PIK3C2G: variants seen among roughly 807,000 people sequenced by gnomAD.
PIK3C2G encodes phosphatidylinositol-4-phosphate 3-kinase catalytic subunit type 2 gamma.
PIK3C2G carries 168 observed loss-of-function variants against 181.1 expected under a neutral mutation model. The observed-to-expected ratio is 0.93, with a 90% confidence interval of 0.82 to 1.05. PIK3C2G has a LOEUF of 1.05. PIK3C2G is among the 50% of genes least tolerant of loss of function. PIK3C2G has a pLI of 0.00. For missense variants in PIK3C2G, 1,869 were observed against 1,732.8 expected (o/e 1.08, Z -1.40); for synonymous variants, 573 against 592.2 (o/e 0.97, Z 0.47).
chr12:18,303,200 T>C (rs1450359438), intron 5 of PIK3C2G, among the ~76,000 whole-genome samples: 1 of 150,528 alleles, frequency 6.6e-6, no homozygotes, highest in Non-Finnish European at 1.5e-5. Flanking sequence ...TTCTTTCTTT[T>C]CCTTTCTTTC....
the PIK3C2G span, among the ~76,000 whole-genome samples, chr12:18,689,043 A>C: frequency 6.6e-6 from 1 of 152,152 alleles, no homozygotes; most frequent in Non-Finnish European, 1.5e-5. Flanking sequence ...GATTTTTCCT[A>C]ATTCCACAGA....
intron 18 of PIK3C2G, among the ~76,000 whole-genome samples, chr12:18,471,058 C>T (rs556838815): frequency 1.9e-3 from 282 of 152,172 alleles, no homozygotes; most frequent in African/African-American, 6.6e-3. Context: ...ATCAGACTTA[C>T]TCTAAACTAT....
intron 1 of PIK3C2G, among the ~76,000 whole-genome samples, chr12:18,254,744 C>T (rs904941431): frequency 2.0e-5 from 3 of 151,714 alleles, no homozygotes; most frequent in East Asian, 1.9e-4. Context: ...TCCAGCTACT[C>T]GGGAGGCCGA....
chr12:18,723,731 C>T, the PIK3C2G span, among the ~76,000 whole-genome samples: 4 of 152,040 alleles, frequency 2.6e-5, no homozygotes, highest in Non-Finnish European at 5.9e-5. Flanking sequence ...GGTTAGTTAA[C>T]TCTTGAAACC....
intron 18 of PIK3C2G, among the ~76,000 whole-genome samples, 194 bp downstream of exon 18, chr12:18,424,233 G>T (rs1429810286): frequency 6.6e-6 from 1 of 152,150 alleles, no homozygotes; most frequent in Non-Finnish European, 1.5e-5. Context: ...CTACCAGTTG[G>T]ACAGTTGCTA....
intron 16 of PIK3C2G, among the ~76,000 whole-genome samples, chr12:18,408,060 A>G (rs949168015): frequency 1.3e-5 from 2 of 152,200 alleles, no homozygotes; most frequent in Admixed American, 6.5e-5. Context: ...CATCTCTTAA[A>G]GATCACTCTG....
intron 13 of PIK3C2G, among the ~76,000 whole-genome samples, chr12:18,379,179 C>A (rs1480989943): frequency 6.6e-6 from 1 of 151,962 alleles, no homozygotes; most frequent in Non-Finnish European, 1.5e-5. Flanking sequence ...GAATACTATG[C>A]AGCCATAAAA....
Position 18,617,801 on chromosome 12 carries a change from G to A in PIK3C2G, c.4182+8172G>A, listed in dbSNP as rs117087205. ...TTGTACTTGGCAAACCCTCTATAGC[G>A]GAGACATTACCTAGCTAAATGAAAG... is the stretch of plus-strand genomic sequence containing the variant. On this transcript the variant is annotated intron_variant, in intron 31 of 32. Transcript: ENST00000538779. Among the ~76,000 whole-genome samples, 760 of 152,132 alleles carry A rather than the reference G, an allele frequency of 5.0e-3. 4 individuals carry two copies. The highest frequency in any genetic ancestry group is 6.0e-3 in the Non-Finnish European group (411 of 67,988).
At chr12:18,414,454 T>C (rs1945054595) in intron 16 of PIK3C2G, among the ~76,000 whole-genome samples, 1 of 152,174 alleles carries the variant, frequency 6.6e-6, no homozygotes, top group Non-Finnish European at 1.5e-5. Flanking sequence ...GACATATACA[T>C]ATTTTAAAAA....
chr12:18,611,256 C>G (rs892128336), intron 31 of PIK3C2G, among the ~76,000 whole-genome samples: 7 of 151,922 alleles, frequency 4.6e-5, no homozygotes, highest in African/African-American at 1.7e-4. Flanking sequence ...CCAAATGACC[C>G]TAAAAAATGT....
chr12:18,712,964 A>G, the PIK3C2G span: 1 of 1,613,960 alleles, frequency 6.2e-7, no homozygotes, highest in East Asian at 2.2e-5. Flanking sequence ...ATCTCCAAAC[A>G]ACGGCATCCT....
intron 31 of PIK3C2G, among the ~76,000 whole-genome samples, chr12:18,627,813 G>T (rs1402022232): frequency 6.6e-6 from 1 of 152,120 alleles, no homozygotes; most frequent in African/African-American, 2.4e-5. Context: ...ATAGACCTCA[G>T]GTTTTGATAG....
intron 10 of PIK3C2G, among the ~76,000 whole-genome samples, chr12:18,345,289 C>T (rs1002931137): frequency 1.3e-5 from 2 of 152,162 alleles, no homozygotes; most frequent in Non-Finnish European, 2.9e-5. Context: ...TACTCTTCCG[C>T]TTCATTAATT....
At chr12:18,594,272 T>C (rs1023492058) in intron 29 of PIK3C2G, among the ~76,000 whole-genome samples, 1 of 152,028 alleles carries the variant, frequency 6.6e-6, no homozygotes, top group African/African-American at 2.4e-5. Context: ...CTTGAAGAAA[T>C]GGAAAGTAAT....
At chr12:18,705,723 A>T in the PIK3C2G span, among the ~76,000 whole-genome samples, 1 of 150,634 alleles carries the variant, frequency 6.6e-6, no homozygotes, top group Non-Finnish European at 1.5e-5. Context: ...AAAATTAGCC[A>T]GGTGTGGTAG....
chr12:18,695,197 T>C, the PIK3C2G span: 425,744 of 989,660 alleles, frequency 0.43, 94,308 homozygotes, highest in African/African-American at 0.64. Context: ...TATGAGCAAG[T>C]ATCATTAGCC....
chr12:18,428,222 G>T (rs928532512), intron 18 of PIK3C2G, among the ~76,000 whole-genome samples: 4 of 151,416 alleles, frequency 2.6e-5, no homozygotes, highest in Non-Finnish European at 5.9e-5. Context: ...TATTTAGGGA[G>T]TGACTGCTTC....
the PIK3C2G span, among the ~76,000 whole-genome samples, chr12:18,673,439 T>C: frequency 6.6e-6 from 1 of 152,084 alleles, no homozygotes; most frequent in African/African-American, 2.4e-5. Flanking sequence ...TTTACATCCA[T>C]TATGGAATTC....
At chr12:18,392,076 G>C (rs1943572146) in intron 15 of PIK3C2G, among the ~76,000 whole-genome samples, 1 of 152,096 alleles carries the variant, frequency 6.6e-6, no homozygotes, top group Admixed American at 6.6e-5. Flanking sequence ...GCAGCAAGGA[G>C]GTGAATGTAA....
Sources: gnomAD v4.1 joint callset for allele counts (sites outside exome capture counted in the v4.1 genomes callset) on GRCh38, gnomAD v4.1.1 for gene constraint, MANE v1.5 for transcripts, NCBI Gene and HGNC (gene_info 2026-07-23, HGNC 2026-07-21) for gene names.